The following IL12RB1 variants were observed in gnomAD, a reference collection of about 807,000 sequenced individuals.
IL12RB1 encodes the protein interleukin 12 receptor subunit beta 1.
A neutral mutation model predicts 94.4 loss-of-function variants in IL12RB1; 64 were observed. The ratio of observed to expected loss-of-function variants is 0.68; its 90% CI spans 0.55 to 0.83. The LOEUF (loss-of-function observed/expected upper bound fraction) is 0.83, where lower values mean the gene tolerates loss of function less well. IL12RB1 is among the 40% of genes least tolerant of loss of function. The pLI is 0.00. For synonymous variants in IL12RB1, 362 were observed against 355.5 expected (o/e 1.02, Z -0.21); for missense variants, 814 against 855.6 (o/e 0.95, Z 0.61).
chr19:18,071,428 A>G (rs982350325), intron 9 of IL12RB1: 115 of 651,706 alleles, frequency 1.8e-4, no homozygotes, highest in Non-Finnish European at 2.5e-4. Flanking sequence ...TTTTTGAAAA[A>G]GAGTGTAGCT....
At position 18,095,078 on chromosome 19, in the gene IL12RB1, C is replaced by T. The variant is rs1429910273; in HGVS notation, c.-230+3677G>A. Reference sequence around the variant, plus strand: ...TCTGTAATCCCAGCTACTCAGGAGGCTGAGGCAGGAGAATCAATTGAACCT... The same window carrying T: ...TCTGTAATCCCAGCTACTCAGGAGGTTGAGGCAGGAGAATCAATTGAACCT... On this transcript the variant is annotated intron_variant, in intron 1 of 4. Transcript: ENST00000594176. Among the ~76,000 whole-genome samples, 3 of 151,906 alleles carry T rather than the reference C, an allele frequency of 2.0e-5. No individual in the cohort carries two copies. The East Asian group carries it at 5.8e-4, about 29-fold the overall frequency.
intron 9 of IL12RB1, chr19:18,070,552 C>A (rs1013725051): frequency 6.1e-6 from 6 of 985,136 alleles, no homozygotes; most frequent in Non-Finnish European, 7.2e-6. Context: ...ATGGATACTG[C>A]TTGCAATTCT....
chr19:18,071,438 T>C, intron 9 of IL12RB1: 1 of 581,738 alleles, frequency 1.7e-6, no homozygotes, highest in East Asian at 6.9e-5. Context: ...AGAGTGTAGC[T>C]CTATCAACCA....
intron 9 of IL12RB1, 31 bp from the exon 10 acceptor site, chr19:18,069,744 C>T (rs1417085444): frequency 3.3e-6 from 5 of 1,524,758 alleles, no homozygotes; most frequent in Non-Finnish European, 3.6e-6. Context: ...CGCATCGAGA[C>T]AGTTGCCATC....
chr19:18,085,067 C>T (rs1197782823), intron 1 of IL12RB1, among the ~76,000 whole-genome samples: 1 of 152,188 alleles, frequency 6.6e-6, no homozygotes, highest in Non-Finnish European at 1.5e-5. Context: ...ACTGGGATCC[C>T]CGTGCCCTTT....
At chr19:18,082,570 A>T (rs2035993440) in intron 2 of IL12RB1, among the ~76,000 whole-genome samples, 1 of 152,082 alleles carries the variant, frequency 6.6e-6, no homozygotes, top group African/African-American at 2.4e-5. Context: ...AAAACACATC[A>T]TCACATTTGT....
rs1254284604 is a variant in IL12RB1 at position 18,098,298 on chromosome 19, C to T, written c.-230+457G>A. On this transcript the variant is annotated intron_variant, in intron 1 of 4. Coordinates refer to the IL12RB1 transcript ENST00000594176. ...TGGGGAGGTTGGGGCTGTCAGGCGC[C>T]CATTTGTCAGAATAAGGAAACTGAG... Among the ~76,000 whole-genome samples the T allele has an allele frequency of 2.0e-5, 3 of 152,190 alleles. No individual in the cohort carries two copies. The South Asian group carries it at 6.2e-4, about 32-fold the overall frequency.
At chr19:18,081,835 G>GA (rs1251715970) in intron 3 of IL12RB1, among the ~76,000 whole-genome samples, 4 of 138,358 alleles carry the variant, frequency 2.9e-5, no homozygotes, top group Non-Finnish European at 6.3e-5. Context: ...AAGAAAAAAA[G>GA]AAAAAAGAAA....
rs745969950 is a variant in IL12RB1, at chr19:18,064,000, C to T, written c.1494G>A (p.Val498=). The T allele has an allele frequency of 6.2e-7, 1 of 1,612,318 alleles. No individual in the cohort carries two copies. The highest frequency in any genetic ancestry group is 1.1e-5 in the South Asian group (1 of 91,010). The change falls in exon 13 of 17, where the codon GTG becomes GTA. Residue 498 remains valine, a synonymous_variant. Coordinates refer to ENST00000593993, the MANE Select transcript of IL12RB1 (RefSeq NM_005535.3). ...GGGTAACTTGGGTCTCTGTGGGCTG[C>T]ACGGGATGCTCTGCAGTGGGAGAGG... The part of the protein sequence containing the change: ...EDSKQVSEHP[V]QPTETQVTLS...
chr19:18,082,716 C>T (rs184195546), intron 2 of IL12RB1, among the ~76,000 whole-genome samples: 57 of 152,292 alleles, frequency 3.7e-4, no homozygotes, highest in African/African-American at 1.4e-3. Context: ...CGTTATCAAA[C>T]AAAAGAATGG....
chr19:18,064,288 C>T (rs2034406039), intron 12 of IL12RB1, among the ~76,000 whole-genome samples: 1 of 151,346 alleles, frequency 6.6e-6, no homozygotes, highest in African/African-American at 2.4e-5. Context: ...TACAGGCGCC[C>T]GCCACCACGC....
intron 10 of IL12RB1, 77 bp from the exon 11 acceptor site, chr19:18,068,603 C>A: frequency 8.2e-7 from 1 of 1,225,966 alleles, no homozygotes; most frequent in Non-Finnish European, 1.2e-6. Flanking sequence ...GCTGTGCCAT[C>A]TGCCAGGAAC....
At chr19:18,072,981 G>A (rs970008617) in intron 8 of IL12RB1, among the ~76,000 whole-genome samples, 17 of 151,050 alleles carry the variant, frequency 1.1e-4, no homozygotes, top group African/African-American at 4.1e-4. Flanking sequence ...AAAAAGAAGA[G>A]GAATTTGAGT....
At chr19:18,079,106 T>TA (rs2035691628) in intron 4 of IL12RB1, among the ~76,000 whole-genome samples, 1 of 147,506 alleles carries the variant, frequency 6.8e-6, no homozygotes, top group South Asian at 2.1e-4. Flanking sequence ...CACTTAAAAT[T>TA]TTTTTTTTTT....
chr19:18,059,947 G>C lies in IL12RB1; in HGVS notation c.1930C>G (p.Leu644Val), dbSNP rs2034003617. ...KTELPEGAPELALDTELSLED... is the reference protein window; with the variant it reads ...KTELPEGAPEVALDTELSLED... ...AAGGACAACTCTGTATCCAGGGCCA[G>C]CTCAGGGGCACCCTCAGGTAGCTCT... The change falls in exon 16 of 17, where the codon CTG becomes GTG. Residue 644 changes from leucine to valine, a missense_variant. Physicochemically the swap from Leu to Val is conservative, Grantham distance 32. Coordinates refer to ENST00000593993, the MANE Select transcript of IL12RB1 (RefSeq NM_005535.3). 1.9e-5 allele frequency: 31 copies of C among 1,595,164 alleles called. No individual in the cohort carries two copies. The highest frequency in any genetic ancestry group is 2.6e-5 in the Non-Finnish European group (31 of 1,170,598).
intron 12 of IL12RB1, among the ~76,000 whole-genome samples, chr19:18,064,618 G>A (rs929060104): frequency 7.2e-5 from 11 of 151,870 alleles, no homozygotes; most frequent in Non-Finnish European, 7.4e-5. Context: ...GATTACAGGC[G>A]CCCACCACCA....
At chr19:18,081,950 AC>A (rs2035940762) in intron 3 of IL12RB1, among the ~76,000 whole-genome samples, 199 bp downstream of exon 3, 1 of 152,102 alleles carries the variant, frequency 6.6e-6, no homozygotes, top group Non-Finnish European at 1.5e-5. Flanking sequence ...CCTCATGGCC[AC>A]CCACCCTGGG....
chr19:18,068,444 G>C lies in IL12RB1; in HGVS notation c.1272C>G (p.Pro424=). The C allele has an allele frequency of 1.9e-6, 3 of 1,613,186 alleles. No individual in the cohort carries two copies. The highest frequency in any genetic ancestry group is 2.5e-6 in the Non-Finnish European group (3 of 1,179,386). The change falls in exon 11 of 17, where the codon CCC becomes CCG. Residue 424 remains proline (P), a synonymous_variant. Transcript: ENST00000593993. The part of the protein sequence containing the change: ...YYITIFASAH[P]EKLTLWSTVL... ...CCGTAGACCACAAGGTGAGCTTCTC[G>C]GGGTGCGCAGAGGCAAAGATGGTAA... is the stretch of plus-strand genomic sequence containing the variant.
chr19:18,077,842 G>A (rs1011089334), intron 4 of IL12RB1, among the ~76,000 whole-genome samples, 187 bp from the exon 5 acceptor site: 8 of 152,146 alleles, frequency 5.3e-5, no homozygotes, highest in African/African-American at 1.7e-4. Context: ...AGCCACATAC[G>A]GTGGCTCACC....
Sources: gnomAD v4.1 joint callset for allele counts (sites outside exome capture counted in the v4.1 genomes callset) on GRCh38, gnomAD v4.1.1 for gene constraint, MANE v1.5 for transcripts, NCBI Gene and HGNC (gene_info 2026-07-23, HGNC 2026-07-21) for gene names.